COL19A1: variants seen among roughly 807,000 people sequenced by gnomAD.
COL19A1 encodes the protein collagen type XIX alpha 1 chain.
In COL19A1, 159 loss-of-function variants were observed where a neutral mutation model predicts 190.2. That is an observed-to-expected ratio of 0.84 (90% CI 0.73 to 0.95). COL19A1 has a LOEUF of 0.95. Among genes scored for constraint, COL19A1 ranks in the 40% least tolerant of loss-of-function variants. The pLI, the probability that COL19A1 is intolerant of heterozygous loss-of-function variation, is 0.00. For synonymous variants in COL19A1, 509 were observed against 458.9 expected (o/e 1.11, Z -1.39); for missense variants, 1,418 against 1,431.9 (o/e 0.99, Z 0.16).
At position 69,977,526 on chromosome 6, in the gene COL19A1, A is replaced by T. The variant is rs564057957; in HGVS notation, c.1026+14656A>T. ...CATGGCACATGTATACATATGTAAC[A>T]AACCTGCACATTGTGCACATGTACC... is the stretch of plus-strand genomic sequence containing the variant. On this transcript the variant is annotated intron_variant, in intron 11 of 50. Transcript: ENST00000620364. Among the ~76,000 whole-genome samples, 9 of 152,172 alleles carry T rather than the reference A, an allele frequency of 5.9e-5. No individual in the cohort carries two copies. In the East Asian group the frequency reaches 9.6e-4, roughly 16 times the overall value.
At chr6:69,965,460 C>T (rs907854184) in intron 11 of COL19A1, among the ~76,000 whole-genome samples, 1 of 152,220 alleles carries the variant, frequency 6.6e-6, no homozygotes, top group Non-Finnish European at 1.5e-5. Flanking sequence ...GCCAACCGAA[C>T]TCACTAGACT....
chr6:69,957,807 CT>C (rs1275587087), intron 9 of COL19A1, among the ~76,000 whole-genome samples: 2 of 152,102 alleles, frequency 1.3e-5, no homozygotes, highest in Non-Finnish European at 2.9e-5. Flanking sequence ...CCTCAAAGTG[CT>C]TGTGGCACCT....
chr6:70,030,374 A>G (rs1778986609), intron 12 of COL19A1, among the ~76,000 whole-genome samples: 1 of 152,184 alleles, frequency 6.6e-6, no homozygotes, highest in Non-Finnish European at 1.5e-5. Flanking sequence ...AGTTATAATG[A>G]GGACCCCAGT....
At chr6:70,099,970 T>A (rs1256736813) in intron 15 of COL19A1, among the ~76,000 whole-genome samples, 1 of 152,240 alleles carries the variant, frequency 6.6e-6, no homozygotes, top group Non-Finnish European at 1.5e-5. Flanking sequence ...GGATGCTTTT[T>A]ACTCCTCATC....
At chr6:70,157,445 A>G (rs946439919) in intron 34 of COL19A1, among the ~76,000 whole-genome samples, 2 of 152,142 alleles carry the variant, frequency 1.3e-5, no homozygotes, top group East Asian at 1.9e-4. Flanking sequence ...TGATACTACT[A>G]ATTCTTAATG....
intron 9 of COL19A1, among the ~76,000 whole-genome samples, chr6:69,955,445 C>T (rs1582514039): frequency 6.6e-6 from 1 of 151,046 alleles, no homozygotes; most frequent in African/African-American, 2.4e-5. Context: ...ACAAATGTAG[C>T]ATATGTAAAC....
chr6:70,114,808 C>A (rs1181871977), intron 16 of COL19A1, among the ~76,000 whole-genome samples: 1 of 152,172 alleles, frequency 6.6e-6, no homozygotes, highest in Non-Finnish European at 1.5e-5. Flanking sequence ...TATACATATT[C>A]ATCATCTGGA....
chr6:70,192,675 T>C (rs1194809955), intron 48 of COL19A1, among the ~76,000 whole-genome samples: 1 of 152,198 alleles, frequency 6.6e-6, no homozygotes, highest in Non-Finnish European at 1.5e-5. Context: ...TAATTTGCGG[T>C]GTTCAGTGCA....
intron 14 of COL19A1, among the ~76,000 whole-genome samples, chr6:70,054,706 A>G (rs1454738424): frequency 6.6e-6 from 1 of 152,214 alleles, no homozygotes; most frequent in Non-Finnish European, 1.5e-5. Context: ...ATTTCAATAA[A>G]TGCATTGGGG....
At chr6:70,195,990 C>T (rs1321748703) in intron 48 of COL19A1, among the ~76,000 whole-genome samples, 1 of 152,104 alleles carries the variant, frequency 6.6e-6, no homozygotes, top group Non-Finnish European at 1.5e-5. Context: ...GTTTAATCCG[C>T]CATCTTTACC....
In COL19A1 at chr6:70,207,516, A is replaced by G; in HGVS notation, c.*242A>G. ...TTTACAATTGCTATGATTTTTACTC[A>G]GAGTTTTATATGAAATATGCAAGTA... On this transcript the variant is annotated 3_prime_UTR_variant, in exon 51 of 51. Coordinates refer to ENST00000620364, the MANE Select transcript of COL19A1 (RefSeq NM_001858.6). 1 of 286,362 alleles carries G rather than the reference A, an allele frequency of 3.5e-6. No homozygotes were observed. The highest frequency in any genetic ancestry group is 6.1e-5 in the East Asian group (1 of 16,508). The allele number at this position is 286,362 out of a possible 1,614,324, so 17.7% of individuals were successfully genotyped here.
At chr6:69,873,941 T>C (rs1055114185) in intron 1 of COL19A1, among the ~76,000 whole-genome samples, 1 of 152,210 alleles carries the variant, frequency 6.6e-6, no homozygotes, top group Non-Finnish European at 1.5e-5. Context: ...TGAGAAAGCA[T>C]TAAAGATCTA....
chr6:70,182,788 TAAG>T (rs1390837509), intron 44 of COL19A1, among the ~76,000 whole-genome samples: 1 of 152,148 alleles, frequency 6.6e-6, no homozygotes, highest in Non-Finnish European at 1.5e-5. Flanking sequence ...AGTATCTTGG[TAAG>T]AATGATCCAG....
intron 4 of COL19A1, among the ~76,000 whole-genome samples, chr6:69,918,994 G>A (rs754068564): frequency 3.9e-5 from 6 of 152,280 alleles, no homozygotes; most frequent in Non-Finnish European, 7.4e-5. Flanking sequence ...CAGAGCACAG[G>A]AGAGAGAAAT....
At chr6:69,872,820 C>G (rs1262290859) in intron 1 of COL19A1, among the ~76,000 whole-genome samples, 1 of 152,212 alleles carries the variant, frequency 6.6e-6, no homozygotes, top group African/African-American at 2.4e-5. Context: ...GCTGGGCACA[C>G]TCACCATTGT....
chr6:70,063,766 T>C (rs1374141903), intron 14 of COL19A1, among the ~76,000 whole-genome samples: 2 of 151,978 alleles, frequency 1.3e-5, no homozygotes, highest in African/African-American at 2.4e-5. Flanking sequence ...AAGAATCAAA[T>C]AGATGCAATA....
intron 6 of COL19A1, among the ~76,000 whole-genome samples, chr6:69,931,206 A>T (rs1484409775): frequency 2.0e-5 from 3 of 152,152 alleles, no homozygotes; most frequent in Non-Finnish European, 4.4e-5. Flanking sequence ...CCACCTGTGT[A>T]TTTTTGTGAG....
At chr6:70,100,780 T>C (rs1260638571) in intron 15 of COL19A1, among the ~76,000 whole-genome samples, 1 of 152,030 alleles carries the variant, frequency 6.6e-6, no homozygotes, top group East Asian at 1.9e-4. Flanking sequence ...GCCTAGCCTA[T>C]GTTTTTAATT....
intron 31 of COL19A1, among the ~76,000 whole-genome samples, chr6:70,155,198 T>C (rs758782102): frequency 2.0e-5 from 3 of 152,148 alleles, no homozygotes; most frequent in Non-Finnish European, 4.4e-5. Context: ...TGGGCTTTCT[T>C]GCCAGCTTCT....
Sources: gnomAD v4.1 joint callset for allele counts (sites outside exome capture counted in the v4.1 genomes callset) on GRCh38, gnomAD v4.1.1 for gene constraint, MANE v1.5 for transcripts, NCBI Gene and HGNC (gene_info 2026-07-23, HGNC 2026-07-21) for gene names.